THRB: variants seen among roughly 807,000 people sequenced by gnomAD.
The protein encoded by THRB is nuclear receptor subfamily 1 group A member 2.
In THRB, 12 loss-of-function variants were observed where a neutral mutation model predicts 47.8. The ratio of observed to expected loss-of-function variants is 0.25; its 90% confidence interval spans 0.16 to 0.41. THRB has a LOEUF of 0.41. Among genes scored for constraint, THRB ranks in the 10% least tolerant of loss-of-function variants. The probability of loss-of-function intolerance (pLI) is 1.00; values close to 1 mark genes in which losing one functional copy is unlikely to be tolerated. For missense variants in THRB, 348 were observed against 589.2 expected (o/e 0.59, Z 4.24); for synonymous variants, 218 against 212.2 (o/e 1.03, Z -0.24).
chr3:24,236,790 C>T (rs966629201), intron 3 of THRB, among the ~76,000 whole-genome samples: 1 of 152,110 alleles, frequency 6.6e-6, no homozygotes, highest in African/African-American at 2.4e-5. Flanking sequence ...AAATTTGTTC[C>T]CAAGTCTATA....
chr3:24,139,238 T>C (rs1028764209), intron 8 of THRB, among the ~76,000 whole-genome samples: 2 of 152,234 alleles, frequency 1.3e-5, no homozygotes, highest in South Asian at 2.1e-4. Flanking sequence ...AAGAGTGGCT[T>C]TAGATTTATT....
intron 4 of THRB, among the ~76,000 whole-genome samples, chr3:24,228,207 C>T (rs1383044360): frequency 6.6e-6 from 1 of 152,126 alleles, no homozygotes; most frequent in Non-Finnish European, 1.5e-5. Context: ...TCAGCCTATT[C>T]CCTGGCACCA....
intron 4 of THRB, 39 bp from the exon 5 acceptor site, chr3:24,190,373 A>G: frequency 1.2e-6 from 2 of 1,613,700 alleles, no homozygotes; most frequent in Non-Finnish European, 8.5e-7. Context: ...AGCTGTTGGC[A>G]TTGTCAAGAT....
intron 4 of THRB, among the ~76,000 whole-genome samples, chr3:24,207,638 C>T (rs1481158339): frequency 6.6e-6 from 1 of 152,098 alleles, no homozygotes; most frequent in Non-Finnish European, 1.5e-5. Flanking sequence ...ATACCTCAAT[C>T]ATATAGTGCA....
intron 5 of THRB, among the ~76,000 whole-genome samples, chr3:24,156,106 A>C (rs2037790032): frequency 6.6e-6 from 1 of 152,254 alleles, no homozygotes; most frequent in African/African-American, 2.4e-5. Flanking sequence ...ATGTCTGGTT[A>C]ATTGCTAAGT....
chr3:24,400,205 A>G (rs1253514434), intron 1 of THRB, among the ~76,000 whole-genome samples: 1 of 152,074 alleles, frequency 6.6e-6, no homozygotes, highest in African/African-American at 2.4e-5. Flanking sequence ...TTCCAAGATA[A>G]TTTGAACTTC....
intron 1 of THRB, among the ~76,000 whole-genome samples, chr3:24,473,119 A>C (rs1046764868): frequency 1.3e-5 from 2 of 152,178 alleles, no homozygotes; most frequent in South Asian, 4.1e-4. Flanking sequence ...GCAAATGATA[A>C]ATTTCACAAA....
chr3:24,413,176 T>G (rs2150198141), intron 1 of THRB, among the ~76,000 whole-genome samples: 1 of 152,040 alleles, frequency 6.6e-6, no homozygotes, highest in African/African-American at 2.4e-5. Flanking sequence ...AGTCAATTTC[T>G]TATGTTCAAC....
At chr3:24,351,780 C>G (rs1249617030) in intron 1 of THRB, among the ~76,000 whole-genome samples, 2 of 152,140 alleles carry the variant, frequency 1.3e-5, no homozygotes, top group African/African-American at 4.8e-5. Context: ...CACTTCCTGT[C>G]CCACCTCTGT....
intron 2 of THRB, among the ~76,000 whole-genome samples, chr3:24,319,538 A>T (rs1389725031): frequency 1.3e-5 from 2 of 152,226 alleles, no homozygotes; most frequent in Non-Finnish European, 1.5e-5. Flanking sequence ...ACGGTGATGA[A>T]ATTCAGAAAA....
chr3:24,287,492 G>A (rs1480549766), intron 3 of THRB, among the ~76,000 whole-genome samples: 1 of 152,176 alleles, frequency 6.6e-6, no homozygotes, highest in Admixed American at 6.5e-5. Flanking sequence ...AGCATAACTT[G>A]TATGAGGCCA....
chr3:24,440,341 C>G (rs1318607746), intron 1 of THRB, among the ~76,000 whole-genome samples: 1 of 152,076 alleles, frequency 6.6e-6, no homozygotes, highest in Non-Finnish European at 1.5e-5. Flanking sequence ...TGATAGAAAA[C>G]AGTACCTTGA....
intron 3 of THRB, among the ~76,000 whole-genome samples, chr3:24,246,765 G>A (rs2050148430): frequency 6.6e-6 from 1 of 152,122 alleles, no homozygotes; most frequent in Non-Finnish European, 1.5e-5. Context: ...GTGTAATTTG[G>A]AATGCCTCAG....
At chr3:24,148,269 G>C (rs1387429065) in intron 6 of THRB, among the ~76,000 whole-genome samples, 1 of 152,158 alleles carries the variant, frequency 6.6e-6, no homozygotes, top group Non-Finnish European at 1.5e-5. Context: ...TGGGATTACA[G>C]GCGTGTGCTA....
intron 2 of THRB, among the ~76,000 whole-genome samples, chr3:24,327,180 C>T (rs1347487649): frequency 6.6e-6 from 1 of 151,980 alleles, no homozygotes; most frequent in Non-Finnish European, 1.5e-5. Context: ...AGAATAAAAT[C>T]GGTAATTAGA....
chr3:24,190,439 A>T, intron 4 of THRB, 105 bp from the exon 5 acceptor site: 1 of 1,379,656 alleles, frequency 7.2e-7, no homozygotes, highest in Non-Finnish European at 1.0e-6. Flanking sequence ...TTTTGGGCTG[A>T]CAGTATTCAC....
At chr3:24,210,787 T>G (rs2045943322) in intron 4 of THRB, among the ~76,000 whole-genome samples, 1 of 152,168 alleles carries the variant, frequency 6.6e-6, no homozygotes, top group Non-Finnish European at 1.5e-5. Flanking sequence ...GACTGACAGG[T>G]GTAGTGCTAG....
At chr3:24,396,688 T>G (rs2066989569) in intron 1 of THRB, among the ~76,000 whole-genome samples, 2 of 152,160 alleles carry the variant, frequency 1.3e-5, no homozygotes, top group Admixed American at 1.3e-4. Context: ...TCCATGGCTC[T>G]TTCTTTGAAA....
rs547682214 is a variant in THRB, at chr3:24,225,073, A to G, written c.22+3865T>C. Among the ~76,000 whole-genome samples, 19 of 152,356 alleles carry G rather than the reference A, an allele frequency of 1.2e-4. No homozygotes were observed. The South Asian group carries it at 1.7e-3, about 13-fold the overall frequency. Reference sequence around the variant, plus strand: ...TACAGTGGGCAAATGGACAATCACTATGAACAAGCAAGTTACAGATGCAGA... The same window carrying G: ...TACAGTGGGCAAATGGACAATCACTGTGAACAAGCAAGTTACAGATGCAGA... On this transcript the variant is annotated intron_variant, in intron 4 of 10. Coordinates refer to ENST00000646209, the MANE Select transcript of THRB (RefSeq NM_001354712.2).
Sources: allele counts gnomAD v4.1 joint callset (sites outside exome capture counted in the v4.1 genomes callset), GRCh38; gene constraint gnomAD v4.1.1; transcripts MANE v1.5; gene names NCBI Gene and HGNC (gene_info 2026-07-23, HGNC 2026-07-21).